Variants in TYW1B observed in about 807,000 individuals in gnomAD.
TYW1B encodes the protein tRNA-yW synthesizing protein 1 homolog B, also known as S-adenosyl-L-methionine-dependent tRNA 4-demethylwyosine synthase TYW1B.
Under a neutral mutation model 86.9 loss-of-function variants are expected in TYW1B, and 73 were observed. The ratio of observed to expected loss-of-function variants is 0.84; its 90% CI spans 0.70 to 1.02. TYW1B has a LOEUF of 1.02. Ranked by LOEUF, TYW1B falls within the 50% of genes least tolerant of loss-of-function variation. The pLI, the probability that TYW1B is intolerant of heterozygous loss-of-function variation, is 0.00. For synonymous variants in TYW1B, 248 were observed against 292.8 expected, an observed-to-expected ratio of 0.85 and a Z score of 1.56; for missense variants, 637 against 827.4, an observed-to-expected ratio of 0.77 and a Z score of 2.82.
At chr7:72,768,883 A>G in intron 7 of TYW1B, 1 of 336,720 alleles carries the variant, frequency 3.0e-6, no homozygotes, top group Non-Finnish European at 5.8e-6. Context: ...TTTACTGTGG[A>G]GCAGTTGGAA....
At chr7:72,693,604 A>G (rs1814227803) in intron 11 of TYW1B, among the ~76,000 whole-genome samples, 1 of 151,860 alleles carries the variant, frequency 6.6e-6, no homozygotes, top group Non-Finnish European at 1.5e-5. Flanking sequence ...CATGTTGCCC[A>G]GGCTGGTCTT....
intron 13 of TYW1B, among the ~76,000 whole-genome samples, chr7:72,586,475 G>A (rs577686014): frequency 5.9e-5 from 9 of 152,268 alleles, no homozygotes; most frequent in East Asian, 3.9e-4. Context: ...GGTGGCTCAC[G>A]CCTGTAATCC....
chr7:72,734,335 A>G (rs1787164073), intron 8 of TYW1B, among the ~76,000 whole-genome samples: 1 of 151,902 alleles, frequency 6.6e-6, no homozygotes, highest in South Asian at 2.1e-4. Flanking sequence ...GAACAGACAC[A>G]TCGACTCACA....
At chr7:72,701,150 G>A (rs1435479437) in intron 10 of TYW1B, among the ~76,000 whole-genome samples, 3 of 151,976 alleles carry the variant, frequency 2.0e-5, no homozygotes, top group Admixed American at 2.0e-4. Flanking sequence ...TGTCTAGTAA[G>A]TCCAACATCT....
At chr7:72,652,820 T>C (rs1344915199) in intron 11 of TYW1B, among the ~76,000 whole-genome samples, 16 of 152,334 alleles carry the variant, frequency 1.1e-4, no homozygotes, top group Middle Eastern at 6.8e-3. Context: ...GATGTAACCT[T>C]ACTAAAGGGC....
In TYW1B at chr7:72,616,851, G is replaced by A. The variant is rs1812090102; in HGVS notation, c.1618-12C>T. 1 of 1,613,942 alleles carries A rather than the reference G, an allele frequency of 6.2e-7. No homozygotes were observed. Among genetic ancestry groups the A allele is most frequent in the Non-Finnish European group, 8.5e-7 (1 of 1,179,828 alleles). On this transcript the variant is annotated splice_polypyrimidine_tract_variant and intron_variant, in intron 12 of 13. Transcript: ENST00000620995. ...CAGTAGGTAACGCCCTGTGGAAACA[G>A]TATAACCATCAGAGATGACTACAGA...
chr7:72,747,519 A>G (rs1787417089), intron 7 of TYW1B, among the ~76,000 whole-genome samples: 1 of 152,188 alleles, frequency 6.6e-6, no homozygotes, highest in East Asian at 1.9e-4. Flanking sequence ...TGGGATCTCT[A>G]GTCTCTCCCT....
chr7:72,702,784 G>A (rs1180765231), intron 10 of TYW1B, among the ~76,000 whole-genome samples: 1 of 151,704 alleles, frequency 6.6e-6, no homozygotes, highest in Non-Finnish European at 1.5e-5. Flanking sequence ...CCATTTTTTC[G>A]TGAATATATG....
rs139110756 is a variant in TYW1B, at chr7:72,700,912, C to T, written c.1371-6090G>A. On this transcript the variant is annotated intron_variant, in intron 10 of 13. Transcript: ENST00000620995. ...TGAAATCCTGTCTTTTCTAAAAATA[C>T]AAAAATTAGCCAGGAGTGCCACATG... Among the ~76,000 whole-genome samples the T allele has an allele frequency of 7.1e-3, 1,078 of 152,070 alleles. 11 individuals carry two copies. The highest frequency in any genetic ancestry group is 0.01 in the Non-Finnish European group (682 of 67,964).
intron 10 of TYW1B, among the ~76,000 whole-genome samples, chr7:72,704,495 T>C (rs1235555962): frequency 2.2e-5 from 3 of 139,104 alleles, no homozygotes; most frequent in Non-Finnish European, 4.6e-5. Context: ...CCACCTGTAA[T>C]CCCAGCACTT....
At chr7:72,714,510 C>T (rs1423089410) in intron 9 of TYW1B, among the ~76,000 whole-genome samples, 19 of 151,942 alleles carry the variant, frequency 1.3e-4, no homozygotes, top group African/African-American at 4.6e-4. Flanking sequence ...GTGGTCCCAA[C>T]TACTTGGGAA....
chr7:72,708,939 A>G (rs1300027931), intron 10 of TYW1B, among the ~76,000 whole-genome samples: 3 of 152,100 alleles, frequency 2.0e-5, no homozygotes, highest in East Asian at 1.9e-4. Flanking sequence ...TGTTTTTGAA[A>G]TTTTTTCTAG....
rs782748869 is a variant in TYW1B, at chr7:72,744,479, C to T, written c.1082+5G>A. On this transcript the variant is annotated splice_donor_5th_base_variant and intron_variant, in intron 8 of 13. Coordinates refer to ENST00000620995, the MANE Select transcript of TYW1B (RefSeq NM_001145440.3). ...CGATCACCATGACCTTTCATTTTTA[C>T]TTACCACCAACAGAAGACACATTTA... 1.2e-6 allele frequency: 2 copies of T among 1,613,262 alleles called. No homozygotes were observed. Among genetic ancestry groups the T allele is most frequent in the African/African-American group, 2.7e-5 (2 of 74,880 alleles).
At chr7:72,703,323 TTATCAG>T (rs1435520502) in intron 10 of TYW1B, among the ~76,000 whole-genome samples, 4 of 151,528 alleles carry the variant, frequency 2.6e-5, no homozygotes, top group African/African-American at 9.7e-5. Context: ...CGCACCCAGC[TTATCAG>T]TATATTTTCT....
chr7:72,791,249 G>A (rs1788212527), intron 6 of TYW1B, among the ~76,000 whole-genome samples: 1 of 152,048 alleles, frequency 6.6e-6, no homozygotes, highest in South Asian at 2.1e-4. Context: ...GGATTCCGAA[G>A]AAACCTTGGG....
chr7:72,608,978 T>C (rs1267482682), intron 13 of TYW1B, among the ~76,000 whole-genome samples: 3 of 152,178 alleles, frequency 2.0e-5, no homozygotes, highest in Admixed American at 6.5e-5. Flanking sequence ...GCATTTAAAA[T>C]TGGTGAAATC....
intron 6 of TYW1B, among the ~76,000 whole-genome samples, chr7:72,789,770 C>G (rs1388569341): frequency 6.6e-6 from 1 of 151,774 alleles, no homozygotes; most frequent in African/African-American, 2.4e-5. Context: ...GCCACCACAC[C>G]CAGCCTGGAA....
intron 11 of TYW1B, among the ~76,000 whole-genome samples, chr7:72,632,323 A>ATAT (rs1812522167): frequency 1.8e-5 from 2 of 111,264 alleles, no homozygotes; most frequent in African/African-American, 8.2e-5. Context: ...TATATATATT[A>ATAT]TATATATATA....
intron 2 of TYW1B, among the ~76,000 whole-genome samples, chr7:72,819,472 G>T (rs553334445): frequency 1.3e-5 from 2 of 152,094 alleles, no homozygotes; most frequent in Non-Finnish European, 2.9e-5. Flanking sequence ...TCACTCTGTC[G>T]CCCAGGCTGA....
Sources: allele counts gnomAD v4.1 joint callset (sites outside exome capture counted in the v4.1 genomes callset), GRCh38; gene constraint gnomAD v4.1.1; transcripts MANE v1.5; gene names NCBI Gene and HGNC (gene_info 2026-07-23, HGNC 2026-07-21).